GRIN2A: variants seen among roughly 807,000 people sequenced by gnomAD.
GRIN2A encodes glutamate ionotropic receptor NMDA type subunit 2A.
GRIN2A carries 22 observed loss-of-function variants against 113.4 expected under a neutral mutation model. The ratio of observed to expected loss-of-function variants is 0.19; its 90% CI spans 0.14 to 0.28. The LOEUF is 0.28. GRIN2A is among the 10% of genes least tolerant of loss of function. The pLI is 1.00. For missense variants in GRIN2A, 1,502 were observed against 1,887.0 expected, an observed-to-expected ratio of 0.80 and a Z score of 3.78; for synonymous variants, 827 against 738.4, an observed-to-expected ratio of 1.12 and a Z score of -1.94.
At chr16:9,847,617 T>C (rs958305952) in intron 5 of GRIN2A, among the ~76,000 whole-genome samples, 2 of 149,354 alleles carry the variant, frequency 1.3e-5, no homozygotes, top group Non-Finnish European at 3.0e-5. Context: ...AAATATATAA[T>C]GTTTTATATA....
At chr16:9,932,871 C>T (rs1349297047) in intron 3 of GRIN2A, among the ~76,000 whole-genome samples, 1 of 152,170 alleles carries the variant, frequency 6.6e-6, no homozygotes, top group Non-Finnish European at 1.5e-5. Context: ...AGGTTCGAAC[C>T]CATGCAACCT....
chr16:9,869,618 G>A (rs1490927732), intron 4 of GRIN2A, among the ~76,000 whole-genome samples: 1 of 152,106 alleles, frequency 6.6e-6, no homozygotes, highest in African/African-American at 2.4e-5. Context: ...CCAGCTATAT[G>A]AACTTGACTA....
At chr16:10,162,754 A>C (rs1451636917) in intron 2 of GRIN2A, among the ~76,000 whole-genome samples, 1 of 152,200 alleles carries the variant, frequency 6.6e-6, no homozygotes, top group Non-Finnish European at 1.5e-5. Context: ...ACTTTTAGGG[A>C]GATACAATTC....
chr16:10,165,804 G>A (rs1026035352), intron 2 of GRIN2A, among the ~76,000 whole-genome samples: 1 of 146,566 alleles, frequency 6.8e-6, no homozygotes, highest in South Asian at 2.2e-4. Flanking sequence ...AGGGAGGGGA[G>A]GGAAGAGAAA....
In GRIN2A at chr16:10,112,648, G is replaced by C. The variant is rs896104119; in HGVS notation, c.414+67350C>G. ...TCGCTAGATGCCATGGAGAAGAGCA[G>C]CAGCAGCCAGAAACGATACTTCAGC... On this transcript the variant is annotated intron_variant, in intron 2 of 12. Transcript: ENST00000330684. The C allele has an allele frequency of 3.9e-6, 3 of 765,158 alleles. No individual in the cohort carries two copies. In the Admixed American group the frequency reaches 5.1e-5, roughly 13 times the overall value. The allele number at this position is 765,158 out of a possible 1,614,324, so 47.4% of individuals were successfully genotyped here.
intron 2 of GRIN2A, among the ~76,000 whole-genome samples, chr16:10,090,583 G>C (rs572154077): frequency 2.4e-4 from 36 of 150,880 alleles, no homozygotes; most frequent in African/African-American, 8.7e-4. Context: ...AAGGCTCCTT[G>C]AAAAAAAAAT....
chr16:9,772,384 T>G (rs1403888155), intron 11 of GRIN2A, among the ~76,000 whole-genome samples: 1 of 152,202 alleles, frequency 6.6e-6, no homozygotes, highest in Non-Finnish European at 1.5e-5. Context: ...TTGTTTTGTT[T>G]TGTTGAGATG....
intron 4 of GRIN2A, among the ~76,000 whole-genome samples, chr16:9,862,697 G>A (rs1186138715): frequency 6.6e-6 from 1 of 152,042 alleles, no homozygotes; most frequent in Non-Finnish European, 1.5e-5. Flanking sequence ...AAAAGTGATG[G>A]GTTCTTGTAA....
At chr16:9,827,443 A>G (rs1001760316) in intron 9 of GRIN2A, among the ~76,000 whole-genome samples, 1 of 152,188 alleles carries the variant, frequency 6.6e-6, no homozygotes, top group Non-Finnish European at 1.5e-5. Context: ...AGGGGGAGAA[A>G]TCAAGGGTCT....
chr16:9,762,406 G>C lies in GRIN2A; in HGVS notation c.*743C>G. The C allele has an allele frequency of 4.4e-6, 1 of 226,028 alleles. No individual in the cohort carries two copies. The highest frequency in any genetic ancestry group is 8.8e-6 in the Non-Finnish European group (1 of 113,206). 14.0% of individuals were successfully genotyped at this position (226,028 alleles called of 1,614,324 possible). On this transcript the variant is annotated 3_prime_UTR_variant, in exon 13 of 13. Transcript: ENST00000330684. ...GAACAAGACCATCGAAGCCGAGGGT[G>C]AGAGAAACACACATCAACATCCAAA...
intron 3 of GRIN2A, among the ~76,000 whole-genome samples, chr16:9,915,035 C>T (rs910552851): frequency 6.9e-6 from 1 of 144,930 alleles, no homozygotes; most frequent in Non-Finnish European, 1.5e-5. Context: ...CTCCCGGGTT[C>T]ACGCCATTCT....
At chr16:9,948,981 G>C (rs183067500) in intron 2 of GRIN2A, among the ~76,000 whole-genome samples, 2 of 152,222 alleles carry the variant, frequency 1.3e-5, no homozygotes, top group South Asian at 4.2e-4. Flanking sequence ...ATTACCTGGA[G>C]GGGAGCTGGG....
intron 5 of GRIN2A, among the ~76,000 whole-genome samples, chr16:9,843,624 A>G (rs1325160293): frequency 3.3e-5 from 5 of 152,148 alleles, no homozygotes; most frequent in Non-Finnish European, 7.4e-5. Context: ...CCACCCCCAC[A>G]TCCTGTCAGT....
intron 2 of GRIN2A, among the ~76,000 whole-genome samples, chr16:10,029,034 A>G (rs1480909660): frequency 1.3e-5 from 2 of 152,166 alleles, no homozygotes; most frequent in Non-Finnish European, 2.9e-5. Context: ...CTAATAATCC[A>G]CAACCAAATG....
At chr16:9,847,011 A>G (rs1209011475) in intron 5 of GRIN2A, among the ~76,000 whole-genome samples, 1 of 152,160 alleles carries the variant, frequency 6.6e-6, no homozygotes, top group East Asian at 1.9e-4. Flanking sequence ...TTCAATCATA[A>G]CAAAAGGAGA....
intron 2 of GRIN2A, among the ~76,000 whole-genome samples, chr16:10,027,237 T>C (rs1036603620): frequency 6.6e-6 from 1 of 152,180 alleles, no homozygotes; most frequent in African/African-American, 2.4e-5. Flanking sequence ...AGGGATCTTA[T>C]AAAGGAGTTG....
chr16:10,074,268 C>G (rs1480853171), intron 2 of GRIN2A, among the ~76,000 whole-genome samples: 1 of 152,210 alleles, frequency 6.6e-6, no homozygotes, highest in Admixed American at 6.5e-5. Flanking sequence ...ACCCCGTACA[C>G]TGATTGTGAG....
At chr16:10,010,484 G>C (rs898278475) in intron 2 of GRIN2A, among the ~76,000 whole-genome samples, 2 of 152,108 alleles carry the variant, frequency 1.3e-5, no homozygotes, top group African/African-American at 4.8e-5. Context: ...GTTTTAAAAG[G>C]ATAACATTTG....
chr16:10,069,556 G>A (rs2047711952), intron 2 of GRIN2A, among the ~76,000 whole-genome samples: 1 of 152,222 alleles, frequency 6.6e-6, no homozygotes, highest in African/African-American at 2.4e-5. Context: ...CAGTGCAGCT[G>A]CACACACCCA....
Sources: gnomAD v4.1 joint callset for allele counts (sites outside exome capture counted in the v4.1 genomes callset) on GRCh38, gnomAD v4.1.1 for gene constraint, MANE v1.5 for transcripts, NCBI Gene and HGNC (gene_info 2026-07-23, HGNC 2026-07-21) for gene names.